The following PTPRM variants were observed in gnomAD, a reference collection of about 807,000 sequenced individuals.
PTPRM encodes the protein protein tyrosine phosphatase receptor type M.
A neutral mutation model predicts 186.7 loss-of-function variants in PTPRM; 47 were observed. That is an observed-to-expected ratio of 0.25 (90% CI 0.20 to 0.32). The LOEUF (loss-of-function observed/expected upper bound fraction) is 0.32. Among genes scored for constraint, PTPRM ranks in the 10% least tolerant of loss-of-function variants. PTPRM has a pLI of 1.00. For synonymous variants in PTPRM, 668 were observed against 674.9 expected, an observed-to-expected ratio of 0.99 and a Z score of 0.16; for missense variants, 1,494 against 1,865.0, an observed-to-expected ratio of 0.80 and a Z score of 3.66.
intron 1 of PTPRM, among the ~76,000 whole-genome samples, chr18:7,621,244 C>CCCAGA (rs2037930755): frequency 6.6e-6 from 1 of 152,098 alleles, no homozygotes; most frequent in Non-Finnish European, 1.5e-5. Flanking sequence ...GGGATTTGAA[C>CCCAGA]CCAGACTCTA....
At chr18:8,238,655 T>G (rs79063365) in intron 14 of PTPRM, among the ~76,000 whole-genome samples, 142 of 93,332 alleles carry the variant, frequency 1.5e-3, no homozygotes, top group African/African-American at 5.2e-3. Context: ...TTGTGTGTTT[T>G]TTTTTTTTTT....
chr18:7,681,497 T>C (rs1018735521), intron 1 of PTPRM, among the ~76,000 whole-genome samples: 1 of 152,088 alleles, frequency 6.6e-6, no homozygotes, highest in African/African-American at 2.4e-5. Flanking sequence ...CTCATGATGA[T>C]GTTTTTAGCA....
rs1263941653 is a variant in PTPRM at position 8,062,247 on chromosome 18, C to T, written c.1133-7439C>T. ...TGATACCCTTTCTTCCAGTAGATCG[C>T]ATCGGCTCCTGAGGCTTCTGCATTC... On this transcript the variant is annotated intron_variant, in intron 7 of 32. Transcript: ENST00000580170. 3.0e-5 allele frequency among the ~76,000 whole-genome samples: 2 copies of T among 66,268 alleles called. 1 individual carries two copies. Among genetic ancestry groups the T allele is most frequent in the Non-Finnish European group, 6.1e-5 (2 of 32,568 alleles). 43.5% of individuals were successfully genotyped at this position (66,268 alleles called of 152,430 possible).
chr18:8,021,518 T>C (rs958293840), intron 7 of PTPRM, among the ~76,000 whole-genome samples: 1 of 151,828 alleles, frequency 6.6e-6, no homozygotes, highest in Non-Finnish European at 1.5e-5. Context: ...CTCCCTCCTC[T>C]TGCCCCCCAC....
intron 7 of PTPRM, among the ~76,000 whole-genome samples, chr18:8,002,868 C>T (rs1568165932): frequency 6.6e-6 from 1 of 152,092 alleles, no homozygotes; most frequent in African/African-American, 2.4e-5. Context: ...ACATCTCTGC[C>T]CACTGATTTG....
chr18:7,720,879 A>G (rs2040433236), intron 1 of PTPRM, among the ~76,000 whole-genome samples: 2 of 152,224 alleles, frequency 1.3e-5, no homozygotes, highest in South Asian at 4.1e-4. Context: ...TTTATTTATC[A>G]GTAGACTCTT....
intron 11 of PTPRM, among the ~76,000 whole-genome samples, chr18:8,094,488 T>G (rs2090917802): frequency 6.6e-6 from 1 of 152,078 alleles, no homozygotes; most frequent in African/African-American, 2.4e-5. Context: ...ATCCCAGCAC[T>G]TTGGGAGGCC....
chr18:8,069,002 T>G (rs1354717344), intron 7 of PTPRM, among the ~76,000 whole-genome samples: 1 of 147,938 alleles, frequency 6.8e-6, no homozygotes, highest in African/African-American at 2.5e-5. Context: ...CCCAGCTACT[T>G]GGGAGGCTGA....
At chr18:8,119,371 C>A (rs1477325716) in intron 13 of PTPRM, among the ~76,000 whole-genome samples, 1 of 151,954 alleles carries the variant, frequency 6.6e-6, no homozygotes, top group African/African-American at 2.4e-5. Context: ...AATGAAAGAG[C>A]GCTGATAAAA....
chr18:8,014,379 T>A (rs1443581932), intron 7 of PTPRM, among the ~76,000 whole-genome samples: 1 of 152,190 alleles, frequency 6.6e-6, no homozygotes, highest in Non-Finnish European at 1.5e-5. Flanking sequence ...TGTTTGTTTT[T>A]GAAGAAGTGA....
chr18:8,162,292 G>C (rs916959723), intron 14 of PTPRM, among the ~76,000 whole-genome samples: 4 of 151,952 alleles, frequency 2.6e-5, no homozygotes, highest in African/African-American at 2.4e-5. Context: ...GTACAAACAG[G>C]GTTTCACCAT....
intron 2 of PTPRM, among the ~76,000 whole-genome samples, chr18:7,802,218 C>T (rs2044007749): frequency 6.6e-6 from 1 of 152,190 alleles, no homozygotes; most frequent in South Asian, 2.1e-4. Context: ...GTTTCACCTT[C>T]TGACTCTGTT....
At chr18:8,037,832 A>G (rs1049113457) in intron 7 of PTPRM, among the ~76,000 whole-genome samples, 6 of 152,134 alleles carry the variant, frequency 3.9e-5, no homozygotes, top group Non-Finnish European at 8.8e-5. Context: ...CACACCCAAA[A>G]AGCATATGGA....
chr18:7,687,392 T>C (rs956140913), intron 1 of PTPRM, among the ~76,000 whole-genome samples: 9 of 152,174 alleles, frequency 5.9e-5, no homozygotes, highest in African/African-American at 1.9e-4. Flanking sequence ...TAAATAAAAA[T>C]TTTTTAATGT....
chr18:7,982,172 G>C (rs73383833), intron 7 of PTPRM, among the ~76,000 whole-genome samples: 3 of 151,652 alleles, frequency 2.0e-5, no homozygotes, highest in Non-Finnish European at 4.4e-5. Context: ...TCATTGTTTG[G>C]CTCTTTTGTA....
At chr18:8,215,247 G>T (rs937986997) in intron 14 of PTPRM, among the ~76,000 whole-genome samples, 1 of 151,864 alleles carries the variant, frequency 6.6e-6, no homozygotes, top group Non-Finnish European at 1.5e-5. Context: ...TAAACAGTCC[G>T]CCAATTGTAT....
At chr18:7,834,503 C>CACACATACACACACACACACAT (rs2045932408) in intron 2 of PTPRM, among the ~76,000 whole-genome samples, 1 of 143,104 alleles carries the variant, frequency 7.0e-6, no homozygotes, top group Admixed American at 6.9e-5. Flanking sequence ...CACACACACA[C>CACACATACACACACACACACAT]ACACACACAC....
At chr18:8,279,461 C>G (rs1405065695) in intron 19 of PTPRM, among the ~76,000 whole-genome samples, 2 of 152,192 alleles carry the variant, frequency 1.3e-5, no homozygotes, top group East Asian at 3.9e-4. Flanking sequence ...AAAGTAAGCC[C>G]TACTGAAGAG....
chr18:7,939,604 G>T (rs991777493), intron 5 of PTPRM, among the ~76,000 whole-genome samples: 3 of 152,162 alleles, frequency 2.0e-5, no homozygotes, highest in Non-Finnish European at 4.4e-5. Flanking sequence ...AACCCGGTCA[G>T]ATATCTCCTC....
Sources: gnomAD v4.1 joint callset for allele counts (sites outside exome capture counted in the v4.1 genomes callset) on GRCh38, gnomAD v4.1.1 for gene constraint, MANE v1.5 for transcripts, NCBI Gene and HGNC (gene_info 2026-07-23, HGNC 2026-07-21) for gene names.